The following FOXJ3 variants were observed in gnomAD, a reference collection of about 807,000 sequenced individuals.
FOXJ3 encodes forkhead box protein J3.
A neutral mutation model predicts 76.1 loss-of-function variants in FOXJ3; 22 were observed. The ratio of observed to expected loss-of-function variants is 0.29; its 90% CI spans 0.21 to 0.41. FOXJ3 has a LOEUF of 0.41. Among genes scored for constraint, FOXJ3 ranks in the 10% least tolerant of loss-of-function variants. The pLI, the probability that FOXJ3 is intolerant of heterozygous loss-of-function variation, is 1.00. For synonymous variants in FOXJ3, 269 were observed against 261.2 expected (o/e 1.03, Z -0.29); for missense variants, 613 against 762.1 (o/e 0.80, Z 2.30).
At chr1:42,316,209 C>T (rs1655094894) in intron 1 of FOXJ3, among the ~76,000 whole-genome samples, 1 of 151,928 alleles carries the variant, frequency 6.6e-6, no homozygotes, top group South Asian at 2.1e-4. Context: ...TGCTTTGTTG[C>T]CCAGGCTGGA....
chr1:42,198,214 C>T (rs892074388), intron 7 of FOXJ3, among the ~76,000 whole-genome samples: 1 of 152,032 alleles, frequency 6.6e-6, no homozygotes, highest in African/African-American at 2.4e-5. Context: ...ATTTTTATTC[C>T]ATTTTCTTTC....
chr1:42,282,036 G>C (rs1248614702), intron 2 of FOXJ3, among the ~76,000 whole-genome samples: 1 of 151,048 alleles, frequency 6.6e-6, no homozygotes, highest in Non-Finnish European at 1.5e-5. Context: ...TCCAGCCTGG[G>C]CAACAGAGCG....
Position 42,188,812 on chromosome 1 carries a change from A to T in FOXJ3, c.1570T>A (p.Ser524Thr). 1 of 1,613,292 alleles carries T rather than the reference A, an allele frequency of 6.2e-7. No homozygotes were observed. The highest frequency in any genetic ancestry group is 8.5e-7 in the Non-Finnish European group (1 of 1,179,480). The change falls in exon 11 of 13, where the codon TCA becomes ACA. Residue 524 changes from serine to threonine, a missense_variant. Physicochemically the swap from Ser to Thr is moderately conservative, Grantham distance 58 (BLOSUM62 1). Coordinates refer to ENST00000361346, the MANE Select transcript of FOXJ3 (RefSeq NM_014947.5). ...ACATTTTGTTGAACATTACTCTGTGAATGTATAAGGCCAGTTTGTGTAAAG... is the reference window on the plus strand; with the variant it reads ...ACATTTTGTTGAACATTACTCTGTGTATGTATAAGGCCAGTTTGTGTAAAG... ...QFFTQTGLIH[S>T]QSNVQQNVCH...
At chr1:42,248,390 C>T (rs953394635) in intron 4 of FOXJ3, among the ~76,000 whole-genome samples, 4 of 151,846 alleles carry the variant, frequency 2.6e-5, no homozygotes, top group Admixed American at 6.6e-5. Flanking sequence ...AAAAATTAGC[C>T]GGGCGTGGTG....
chr1:42,250,470 C>T (rs886893167), intron 4 of FOXJ3, among the ~76,000 whole-genome samples: 1 of 152,126 alleles, frequency 6.6e-6, no homozygotes, highest in Non-Finnish European at 1.5e-5. Flanking sequence ...AATTCTCTAG[C>T]ATCAAAACAA....
At chr1:42,313,761 C>A (rs1161941770) in intron 1 of FOXJ3, among the ~76,000 whole-genome samples, 1 of 152,144 alleles carries the variant, frequency 6.6e-6, no homozygotes, top group African/African-American at 2.4e-5. Context: ...AGACAACCTG[C>A]CTCTGGGTCA....
intron 7 of FOXJ3, 139 bp from the exon 8 acceptor site, chr1:42,195,203 T>A: frequency 1.7e-6 from 1 of 594,818 alleles, no homozygotes; most frequent in Non-Finnish European, 2.7e-6. Flanking sequence ...TTTCCCATCC[T>A]CTGTTAAAGC....
At chr1:42,324,359 A>G (rs992751010) in intron 1 of FOXJ3, among the ~76,000 whole-genome samples, 4 of 23,968 alleles carry the variant, frequency 1.7e-4, no homozygotes, top group African/African-American at 2.7e-4. Flanking sequence ...TACATAACAT[A>G]TATACTATAT....
intron 1 of FOXJ3, among the ~76,000 whole-genome samples, chr1:42,322,712 A>C (rs1269467716): frequency 6.6e-6 from 1 of 152,136 alleles, no homozygotes; most frequent in Non-Finnish European, 1.5e-5. Flanking sequence ...GGCATTCATT[A>C]GTTAGCTCTA....
intron 2 of FOXJ3, among the ~76,000 whole-genome samples, chr1:42,306,192 G>A (rs546887469): frequency 3.8e-4 from 58 of 151,802 alleles, no homozygotes; most frequent in African/African-American, 1.4e-3. Flanking sequence ...TACATCTGAG[G>A]ATTCAAATCC....
intron 7 of FOXJ3, among the ~76,000 whole-genome samples, chr1:42,197,154 C>T (rs1413017667): frequency 9.9e-5 from 15 of 152,152 alleles, no homozygotes; most frequent in Admixed American, 9.8e-4. Context: ...CAAACCCATT[C>T]CCTCAAAACT....
chr1:42,195,387 T>C (rs1016773778), intron 7 of FOXJ3, among the ~76,000 whole-genome samples: 1 of 152,242 alleles, frequency 6.6e-6, no homozygotes. Flanking sequence ...CTGTAGAATC[T>C]TCAATCTTGA....
At chr1:42,234,190 T>C (rs924655050) in intron 4 of FOXJ3, among the ~76,000 whole-genome samples, 1 of 152,250 alleles carries the variant, frequency 6.6e-6, no homozygotes, top group African/African-American at 2.4e-5. Context: ...GTTAATCAAA[T>C]TGGCTACTGA....
intron 4 of FOXJ3, among the ~76,000 whole-genome samples, chr1:42,254,030 T>C (rs1197602915): frequency 6.0e-5 from 9 of 150,994 alleles, no homozygotes; most frequent in East Asian, 2.0e-4. Context: ...ACAGGCAACC[T>C]ACAAAATGGG....
intron 4 of FOXJ3, among the ~76,000 whole-genome samples, chr1:42,254,374 A>G (rs2124584974): frequency 6.7e-6 from 1 of 148,318 alleles, no homozygotes; most frequent in African/African-American, 2.5e-5. Flanking sequence ...GTGGGACTGT[A>G]AACTAGTTCA....
At chr1:42,280,321 A>C in intron 2 of FOXJ3, 2 of 982,670 alleles carry the variant, frequency 2.0e-6, no homozygotes, top group Non-Finnish European at 2.4e-6. Context: ...CTTGATTTTC[A>C]GGTATGTTGA....
At chr1:42,180,463 A>ACC (rs34796854) in intron 12 of FOXJ3, among the ~76,000 whole-genome samples, 2 of 149,894 alleles carry the variant, frequency 1.3e-5, no homozygotes, top group African/African-American at 4.9e-5. Flanking sequence ...ATCTTGACAG[A>ACC]CCCCCCCCTT....
intron 1 of FOXJ3, among the ~76,000 whole-genome samples, chr1:42,317,675 A>C (rs1655200509): frequency 2.0e-5 from 3 of 152,174 alleles, no homozygotes; most frequent in African/African-American, 7.2e-5. Flanking sequence ...ACAGTGGGTA[A>C]GTTTTGTGGA....
chr1:42,235,524 C>G (rs1211042644), intron 4 of FOXJ3, among the ~76,000 whole-genome samples: 4 of 151,942 alleles, frequency 2.6e-5, no homozygotes, highest in Admixed American at 6.5e-5. Flanking sequence ...TGGAGCTGTT[C>G]CTATTCGGCC....
Sources: allele counts gnomAD v4.1 joint callset (sites outside exome capture counted in the v4.1 genomes callset), GRCh38; gene constraint gnomAD v4.1.1; transcripts MANE v1.5; gene names NCBI Gene and HGNC (gene_info 2026-07-23, HGNC 2026-07-21).